MLIP: variants seen among roughly 807,000 people sequenced by gnomAD.
MLIP encodes muscular LMNA-interacting protein.
MLIP carries 79 observed loss-of-function variants against 84.8 expected under a neutral mutation model. The observed-to-expected ratio is 0.93, with a 90% CI of 0.78 to 1.12. The LOEUF is 1.12. Among genes scored for constraint, MLIP ranks in the 50% most tolerant of loss-of-function variants. The pLI is 0.00. For synonymous variants in MLIP, 504 were observed against 463.0 expected, an observed-to-expected ratio of 1.09 and a Z score of -1.14; for missense variants, 1,257 against 1,160.6, an observed-to-expected ratio of 1.08 and a Z score of -1.21.
chr6:54,055,012 C>T (rs1034506445), intron 1 of MLIP, among the ~76,000 whole-genome samples: 1 of 152,024 alleles, frequency 6.6e-6, no homozygotes, highest in Non-Finnish European at 1.5e-5. Flanking sequence ...CTCAGCCTCC[C>T]GAGTAGCTGG....
chr6:54,025,508 C>A (rs1763749871), intron 1 of MLIP, among the ~76,000 whole-genome samples: 1 of 152,108 alleles, frequency 6.6e-6, no homozygotes, highest in Non-Finnish European at 1.5e-5. Context: ...TTGGTGATGA[C>A]CTAAATGAAG....
intron 1 of MLIP, among the ~76,000 whole-genome samples, chr6:54,050,001 G>T (rs1765284448): frequency 6.6e-6 from 1 of 152,090 alleles, no homozygotes; most frequent in Non-Finnish European, 1.5e-5. Context: ...ATTTAAGTTT[G>T]ATTACATGAT....
chr6:54,196,058 T>C (rs1778272085), intron 10 of MLIP, among the ~76,000 whole-genome samples: 1 of 152,154 alleles, frequency 6.6e-6, no homozygotes, highest in South Asian at 2.1e-4. Context: ...TCTCATCCTC[T>C]ATTGGAAAAA....
intron 12 of MLIP, 84 bp from the exon 13 acceptor site, chr6:54,257,223 TG>T: frequency 2.2e-6 from 2 of 920,388 alleles, no homozygotes; most frequent in South Asian, 2.9e-5. Flanking sequence ...TTTATGTCAT[TG>T]TCAATCTGTT....
At chr6:54,258,587 A>C (rs919985734) in intron 13 of MLIP, among the ~76,000 whole-genome samples, 1 of 152,006 alleles carries the variant, frequency 6.6e-6, no homozygotes, top group Admixed American at 6.6e-5. Context: ...GTAATTTACC[A>C]CATGAGGAGT....
intron 12 of MLIP, among the ~76,000 whole-genome samples, chr6:54,252,038 T>C (rs1310974768): frequency 1.1e-5 from 1 of 90,308 alleles, no homozygotes; most frequent in Non-Finnish European, 1.8e-5. Context: ...TATTATAACA[T>C]ATAATATATA....
At chr6:54,036,357 TAGAG>T (rs1239696481) in intron 1 of MLIP, among the ~76,000 whole-genome samples, 6 of 150,496 alleles carry the variant, frequency 4.0e-5, no homozygotes, top group Admixed American at 1.3e-4. Flanking sequence ...AACAGACAAA[TAGAG>T]AGCCAAATCA....
chr6:54,231,648 G>A (rs887883737), intron 12 of MLIP, among the ~76,000 whole-genome samples: 10 of 152,142 alleles, frequency 6.6e-5, no homozygotes, highest in African/African-American at 2.4e-4. Flanking sequence ...TAGTACAGAT[G>A]CTCAGACCCT....
At chr6:54,154,055 G>T (rs1432117715) in intron 5 of MLIP, among the ~76,000 whole-genome samples, 1 of 151,844 alleles carries the variant, frequency 6.6e-6, no homozygotes, top group Non-Finnish European at 1.5e-5. Flanking sequence ...TCTACTATGT[G>T]CATAATTTAA....
chr6:54,125,693 G>A (rs558885175), intron 3 of MLIP, among the ~76,000 whole-genome samples: 1 of 152,180 alleles, frequency 6.6e-6, no homozygotes, highest in Non-Finnish European at 1.5e-5. Flanking sequence ...GGTAGGTAGT[G>A]GATGCAGAGC....
intron 12 of MLIP, among the ~76,000 whole-genome samples, chr6:54,252,031 T>A (rs1782608270): frequency 1.1e-5 from 1 of 91,924 alleles, no homozygotes; most frequent in African/African-American, 4.8e-5. Context: ...ATATATATAT[T>A]ATAACATATA....
At chr6:54,181,642 C>T (rs532001137) in intron 9 of MLIP, among the ~76,000 whole-genome samples, 9 of 152,134 alleles carry the variant, frequency 5.9e-5, no homozygotes, top group African/African-American at 1.2e-4. Flanking sequence ...CTGAAGTCAG[C>T]CCATCTCAGA....
rs750448526 is a variant in MLIP, at chr6:54,230,895, T to C, written c.2900T>C (p.Leu967Pro). The change falls in exon 12 of 14, where the codon CTC becomes CCC. Residue 967 changes from leucine (L) to proline (P), a missense_variant. Leu to Pro is a moderately conservative substitution (Grantham distance 98). Coordinates refer to ENST00000502396, the MANE Select transcript of MLIP (RefSeq NM_001281747.2). Reference protein sequence around the residue: ...SDEQENSHTLLSHNACNKLSH... With the variant: ...SDEQENSHTLPSHNACNKLSH... The stretch of plus-strand genomic sequence containing the variant: ...GAACAGGAGAATTCTCACACCCTCC[T>C]CAGTCACAACGCATGCAACAAGGTG... The C allele has an allele frequency of 6.2e-6, 10 of 1,613,924 alleles. No homozygotes were observed. Among genetic ancestry groups the C allele is most frequent in the Middle Eastern group, 1.7e-4 (1 of 6,058 alleles).
At position 54,078,694 on chromosome 6, in the gene MLIP, T is replaced by TC. The variant is rs575244034; in HGVS notation, c.64-42753_64-42752insC. ...ATAATTTTCTTTTTCTTTCTTTCTT[T>TC]TTTTTTTTTTTTTGAGATGGAGTCT... On this transcript the variant is annotated intron_variant, in intron 1 of 12. Transcript: ENST00000274897. Among the ~76,000 whole-genome samples the TC allele has an allele frequency of 3.9e-3, 572 of 147,580 alleles. 6 individuals are homozygous for TC. The highest frequency in any genetic ancestry group is 0.013 in the African/African-American group (516 of 40,396).
At chr6:54,037,064 C>T (rs1764487125) in intron 1 of MLIP, among the ~76,000 whole-genome samples, 1 of 151,930 alleles carries the variant, frequency 6.6e-6, no homozygotes, top group African/African-American at 2.4e-5. Flanking sequence ...TGTCCTTGGT[C>T]CACACATGGG....
intron 5 of MLIP, among the ~76,000 whole-genome samples, chr6:54,150,125 A>C (rs1773285921): frequency 1.3e-5 from 2 of 152,142 alleles, no homozygotes; most frequent in Non-Finnish European, 2.9e-5. Flanking sequence ...GAAGAGTAAA[A>C]CCTTTGTATG....
intron 11 of MLIP, among the ~76,000 whole-genome samples, chr6:54,207,944 T>C (rs1779151803): frequency 6.6e-6 from 1 of 151,864 alleles, no homozygotes; most frequent in Admixed American, 6.6e-5. Context: ...GCTAACACGG[T>C]GAAACCCCGT....
chr6:54,122,094 A>G (rs1162089832), intron 2 of MLIP, among the ~76,000 whole-genome samples: 1 of 152,202 alleles, frequency 6.6e-6, no homozygotes, highest in Non-Finnish European at 1.5e-5. Flanking sequence ...ATCTATAGTT[A>G]TAAAACTGTT....
At chr6:54,092,502 G>A (rs1767934221) in intron 1 of MLIP, among the ~76,000 whole-genome samples, 1 of 151,922 alleles carries the variant, frequency 6.6e-6, no homozygotes, top group African/African-American at 2.4e-5. Context: ...AAAGTCAGGC[G>A]AGTTTTGCAG....
Sources: gnomAD v4.1 joint callset for allele counts (sites outside exome capture counted in the v4.1 genomes callset) on GRCh38, gnomAD v4.1.1 for gene constraint, MANE v1.5 for transcripts, NCBI Gene and HGNC (gene_info 2026-07-23, HGNC 2026-07-21) for gene names.